The following DLG2 variants were observed in gnomAD, a reference collection of about 807,000 sequenced individuals.
DLG2 encodes the protein discs large MAGUK scaffold protein 2, also known as disks large homolog 2.
In DLG2, 45 loss-of-function variants were observed where a neutral mutation model predicts 132.5. The ratio of observed to expected loss-of-function variants is 0.34; its 90% CI spans 0.27 to 0.44. The LOEUF (loss-of-function observed/expected upper bound fraction) is 0.44, where lower values mean the gene tolerates loss of function less well. Ranked by LOEUF, DLG2 falls within the 20% of genes least tolerant of loss-of-function variation. The pLI is 1.00. For missense variants in DLG2, 1,045 were observed against 1,196.9 expected (o/e 0.87, Z 1.87); for synonymous variants, 424 against 419.6 (o/e 1.01, Z -0.13).
intron 6 of DLG2, among the ~76,000 whole-genome samples, chr11:84,671,415 T>C (rs954970898): frequency 2.6e-5 from 4 of 152,070 alleles, no homozygotes; most frequent in African/African-American, 9.7e-5. Context: ...ACAGTACTAC[T>C]CTTGACCCCA....
At chr11:84,945,241 C>A (rs1337464585) in intron 6 of DLG2, among the ~76,000 whole-genome samples, 2 of 152,166 alleles carry the variant, frequency 1.3e-5, no homozygotes, top group East Asian at 3.9e-4. Flanking sequence ...AGTATTTGGT[C>A]ACTATAGCCG....
chr11:85,297,297 T>C (rs567120593), intron 3 of DLG2, among the ~76,000 whole-genome samples: 1 of 152,296 alleles, frequency 6.6e-6, no homozygotes, highest in South Asian at 2.1e-4. Flanking sequence ...AAAGTGATAG[T>C]GGAAAGCCAG....
chr11:83,552,563 A>T (rs1171253428), intron 19 of DLG2, among the ~76,000 whole-genome samples: 1 of 152,158 alleles, frequency 6.6e-6, no homozygotes, highest in African/African-American at 2.4e-5. Flanking sequence ...GGGTGGTAGC[A>T]CATCTGCCCA....
At chr11:83,984,879 A>G (rs894708894) in intron 11 of DLG2, among the ~76,000 whole-genome samples, 4 of 152,152 alleles carry the variant, frequency 2.6e-5, no homozygotes, top group Non-Finnish European at 5.9e-5. Context: ...TACACAATAC[A>G]TTATTAACTA....
At chr11:83,823,984 G>A (rs2051691045) in intron 17 of DLG2, among the ~76,000 whole-genome samples, 1 of 152,242 alleles carries the variant, frequency 6.6e-6, no homozygotes, top group Non-Finnish European at 1.5e-5. Context: ...AAAGAGCATA[G>A]CTTTGAAATC....
chr11:84,265,600 T>C (rs1218037826), intron 7 of DLG2, among the ~76,000 whole-genome samples: 1 of 152,166 alleles, frequency 6.6e-6, no homozygotes, highest in Middle Eastern at 3.2e-3. Flanking sequence ...ATGATAAAAC[T>C]CGTCTTGCCT....
intron 8 of DLG2, among the ~76,000 whole-genome samples, chr11:84,191,396 G>C (rs550528590): frequency 6.6e-6 from 1 of 152,232 alleles, no homozygotes; most frequent in East Asian, 1.9e-4. Context: ...AAAATAATTT[G>C]TATATAGCTG....
At chr11:83,882,067 T>C (rs915864226) in intron 15 of DLG2, among the ~76,000 whole-genome samples, 2 of 152,164 alleles carry the variant, frequency 1.3e-5, no homozygotes, top group African/African-American at 4.8e-5. Context: ...GTATGGATGA[T>C]GGATTAAGTT....
chr11:84,861,588 A>T (rs145280838), intron 6 of DLG2, among the ~76,000 whole-genome samples: 2,709 of 142,034 alleles, frequency 0.019, 99 homozygotes, highest in African/African-American at 0.069. Context: ...GACAAATAGG[A>T]TCTAATTAAA....
At chr11:85,293,614 G>A (rs2079044576) in intron 3 of DLG2, among the ~76,000 whole-genome samples, 1 of 152,050 alleles carries the variant, frequency 6.6e-6, no homozygotes, top group Admixed American at 6.6e-5. Flanking sequence ...CTTCAAAAAT[G>A]TCAAGGTAAG....
At chr11:84,987,217 C>G (rs1296433519) in intron 6 of DLG2, among the ~76,000 whole-genome samples, 1 of 152,064 alleles carries the variant, frequency 6.6e-6, no homozygotes, top group African/African-American at 2.4e-5. Flanking sequence ...AGGTGAAAGA[C>G]CTCTAGCAAG....
At chr11:84,066,265 A>T (rs535299404) in intron 10 of DLG2, among the ~76,000 whole-genome samples, 1 of 152,356 alleles carries the variant, frequency 6.6e-6, no homozygotes, top group Non-Finnish European at 1.5e-5. Context: ...CCTAAATATT[A>T]GAGCTTAAAT....
chr11:83,727,098 T>G lies in DLG2; in HGVS notation c.1825+59592A>C, dbSNP rs575977788. On this transcript the variant is annotated intron_variant, in intron 18 of 27. Transcript: ENST00000376104. ...ACTGAGGTTGAGATTCAGTGTTGTT[T>G]TAACAATATAAGAGCAGCTCCTATC... 1.7e-3 allele frequency among the ~76,000 whole-genome samples: 264 copies of G among 152,340 alleles called. 1 individual carries two copies. Among genetic ancestry groups the G allele is most frequent in the African/African-American group, 6.1e-3 (252 of 41,582 alleles).
Position 83,980,653 on chromosome 11 carries a change from G to T in DLG2, c.920-11C>A. 4 of 1,556,718 alleles carry T rather than the reference G, an allele frequency of 2.6e-6. No homozygotes were observed. The highest frequency in any genetic ancestry group is 3.5e-6 in the Non-Finnish European group (4 of 1,155,856). On this transcript the variant is annotated splice_polypyrimidine_tract_variant and intron_variant, in intron 11 of 27. Coordinates refer to ENST00000376104, the MANE Select transcript of DLG2 (RefSeq NM_001142699.3). ...TACTGAAGCCTAAACCTATAAGAAAGGAACAGAAAATGGAAAGCCTTGTTT... is the reference window on the plus strand; with the variant it reads ...TACTGAAGCCTAAACCTATAAGAAATGAACAGAAAATGGAAAGCCTTGTTT...
At chr11:83,509,031 A>G (rs2094878475) in intron 21 of DLG2, among the ~76,000 whole-genome samples, 1 of 152,208 alleles carries the variant, frequency 6.6e-6, no homozygotes, top group Non-Finnish European at 1.5e-5. Flanking sequence ...GTTTCATAAT[A>G]TAGTTTGTTC....
intron 18 of DLG2, among the ~76,000 whole-genome samples, chr11:83,677,341 A>G (rs990399511): frequency 6.6e-6 from 1 of 152,192 alleles, no homozygotes; most frequent in Admixed American, 6.5e-5. Context: ...AGAGTCATCA[A>G]TTTAACTGCT....
intron 6 of DLG2, among the ~76,000 whole-genome samples, chr11:84,888,906 C>T (rs984870945): frequency 2.0e-5 from 3 of 152,218 alleles, no homozygotes; most frequent in East Asian, 1.9e-4. Flanking sequence ...ACTGGCAAAG[C>T]GTCTTCACCA....
chr11:84,876,518 T>A (rs540454795), intron 6 of DLG2, among the ~76,000 whole-genome samples: 1 of 152,344 alleles, frequency 6.6e-6, no homozygotes, highest in Non-Finnish European at 1.5e-5. Flanking sequence ...TTCTGTGGGA[T>A]CAGTGGTGAT....
Position 85,207,250 on chromosome 11 carries a change from A to G in DLG2, c.187-52599T>C, listed in dbSNP as rs115260654. Among the ~76,000 whole-genome samples the G allele has an allele frequency of 4.0e-3, 615 of 152,276 alleles. 3 individuals carry two copies. Among genetic ancestry groups the G allele is most frequent in the African/African-American group, 0.014 (585 of 41,564 alleles). On this transcript the variant is annotated intron_variant, in intron 4 of 27. Transcript: ENST00000376104. ...GATGTCTTCTTAGACTGTGTAAACAATTGCATTCTTTTTCTAAGAGGAGGG... is the reference window on the plus strand; with the variant it reads ...GATGTCTTCTTAGACTGTGTAAACAGTTGCATTCTTTTTCTAAGAGGAGGG...
Sources: gnomAD v4.1 joint callset for allele counts (sites outside exome capture counted in the v4.1 genomes callset) on GRCh38, gnomAD v4.1.1 for gene constraint, MANE v1.5 for transcripts, NCBI Gene and HGNC (gene_info 2026-07-23, HGNC 2026-07-21) for gene names.